Variants in SLC10A6 observed in about 807,000 individuals in gnomAD.
SLC10A6 encodes the protein solute carrier family 10 member 6.
SLC10A6 carries 27 observed loss-of-function variants against 30.0 expected under a neutral mutation model. The ratio of observed to expected loss-of-function variants is 0.90; its 90% CI spans 0.66 to 1.24. The LOEUF (loss-of-function observed/expected upper bound fraction) is 1.24, where lower values mean the gene tolerates loss of function less well. Among genes scored for constraint, SLC10A6 ranks in the 50% most tolerant of loss-of-function variants. SLC10A6 has a pLI of 0.00. For synonymous variants in SLC10A6, 166 were observed against 173.8 expected (o/e 0.95, Z 0.36); for missense variants, 439 against 457.0 (o/e 0.96, Z 0.36).
At chr4:86,835,252 C>G (rs1746160632) in intron 1 of SLC10A6, among the ~76,000 whole-genome samples, 2 of 152,184 alleles carry the variant, frequency 1.3e-5, no homozygotes. Flanking sequence ...GACCTGCAGA[C>G]AGAGCAAGTT....
rs1315879330 is a variant in SLC10A6, at chr4:86,848,839, T to C, written c.277A>G (p.Lys93Glu). Residue 93 changes from lysine (K) to glutamate (E), a missense_variant, in exon 1 of 6, where the codon AAG (lysine) becomes GAG (glutamate). Lys to Glu is a moderately conservative substitution (Grantham distance 56, BLOSUM62 1). Transcript: ENST00000273905. ...AYLLAISFSL[K>E]PVQAIAVLIM... ...AGAACAGCAATAGCTTGGACTGGCTTCAGAGAAAAGCTAATGGCCAGGAGA... is the reference window on the plus strand; with the variant it reads ...AGAACAGCAATAGCTTGGACTGGCTCCAGAGAAAAGCTAATGGCCAGGAGA... 4.3e-6 allele frequency: 7 copies of C among 1,614,154 alleles called. No individual in the cohort carries two copies. Among genetic ancestry groups the C allele is most frequent in the Non-Finnish European group, 5.9e-6 (7 of 1,180,022 alleles).
chr4:86,837,277 A>AGG (rs1560460327), intron 1 of SLC10A6, among the ~76,000 whole-genome samples: 1 of 96,740 alleles, frequency 1.0e-5, no homozygotes, highest in Non-Finnish European at 2.0e-5. Context: ...GAAAGAAAGA[A>AGG]AGAAAGAAAA....
In SLC10A6 at chr4:86,825,898, G is replaced by A. The variant is rs75051146; in HGVS notation, c.762-321C>T. 2.7e-4 allele frequency among the ~76,000 whole-genome samples: 41 copies of A among 152,340 alleles called. 1 individual carries two copies. In the East Asian group the frequency reaches 7.5e-3, roughly 28 times the overall value. ...ATTTAGAAAATGGCAGAAGGGGTGA[G>A]AGAAGGCTTCACAGAGGAGTGGGAT... On this transcript the variant is annotated intron_variant, in intron 4 of 5. Transcript: ENST00000273905.
intron 3 of SLC10A6, among the ~76,000 whole-genome samples, chr4:86,828,815 T>C (rs1416347534): frequency 6.6e-6 from 1 of 152,034 alleles, no homozygotes; most frequent in Non-Finnish European, 1.5e-5. Flanking sequence ...AATAACAAAA[T>C]TTTGAATAGT....
At chr4:86,838,386 G>A (rs1204098434) in intron 1 of SLC10A6, among the ~76,000 whole-genome samples, 2 of 152,128 alleles carry the variant, frequency 1.3e-5, no homozygotes, top group Non-Finnish European at 2.9e-5. Context: ...TAGGAGACCT[G>A]GCATAGTCTC....
At chr4:86,825,256 G>A (rs561107566) in intron 5 of SLC10A6, among the ~76,000 whole-genome samples, 164 bp downstream of exon 5, 3 of 152,248 alleles carry the variant, frequency 2.0e-5, no homozygotes, top group East Asian at 1.9e-4. Flanking sequence ...CCACTTGTGC[G>A]CCAAACTATC....
Position 86,848,849 on chromosome 4 carries a change from G to T in SLC10A6, c.267C>A (p.Ser89Arg). 7 of 1,614,184 alleles carry T rather than the reference G, an allele frequency of 4.3e-6. No individual in the cohort carries two copies. Among genetic ancestry groups the T allele is most frequent in the Non-Finnish European group, 5.1e-6 (6 of 1,180,032 alleles). ...MPFTAYLLAI[S>R]FSLKPVQAIA... is the part of the protein sequence containing the mutation. ...TAGCTTGGACTGGCTTCAGAGAAAA[G>T]CTAATGGCCAGGAGATAAGCTGTAA... Residue 89 changes from serine to arginine, a missense_variant, in exon 1 of 6, where the codon AGC becomes AGA. Transcript: ENST00000273905.
chr4:86,848,330 A>C (rs1413269647), intron 1 of SLC10A6, among the ~76,000 whole-genome samples: 1 of 152,160 alleles, frequency 6.6e-6, no homozygotes, highest in African/African-American at 2.4e-5. Context: ...CGGGAGTCTC[A>C]TTCTGACTAT....
intron 5 of SLC10A6, among the ~76,000 whole-genome samples, chr4:86,824,555 T>C (rs998509087): frequency 4.0e-5 from 6 of 151,258 alleles, no homozygotes; most frequent in African/African-American, 1.5e-4. Context: ...TTAAAATATA[T>C]ATGTGTATGT....
At position 86,823,720 on chromosome 4, in the gene SLC10A6, C is replaced by T. The variant is rs747294564; in HGVS notation, c.1102G>A (p.Glu368Lys). Residue 368 changes from glutamate to lysine, a missense_variant, in exon 6 of 6, where the codon GAG becomes AAG. Glu to Lys is a moderately conservative substitution (Grantham distance 56). Transcript: ENST00000273905. ...CATGAAGTGATGTGGCCAACTGGCT[C>T]GAGAGCCCTGTGGCAATCCATTGGC... ...PGPMDCHRAL[E>K]PVGHITSCE The T allele has an allele frequency of 4.5e-5, 73 of 1,612,852 alleles. 1 individual carries two copies. In the South Asian group the frequency reaches 6.9e-4, roughly 15 times the overall value.
At chr4:86,847,867 T>C (rs965303735) in intron 1 of SLC10A6, among the ~76,000 whole-genome samples, 2 of 152,220 alleles carry the variant, frequency 1.3e-5, no homozygotes, top group African/African-American at 2.4e-5. Context: ...TGAAACGGCA[T>C]GTTCACAAGT....
At chr4:86,848,604 GTC>G in intron 1 of SLC10A6, 133 bp downstream of exon 1, 1 of 1,186,458 alleles carries the variant, frequency 8.4e-7, no homozygotes, top group Non-Finnish European at 1.2e-6. Flanking sequence ...GGCTGAACAA[GTC>G]TCTGTGATAT....
At position 86,833,409 on chromosome 4, in the gene SLC10A6, G is replaced by C; in HGVS notation, c.393C>G (p.Thr131=). 6.2e-7 allele frequency: 1 copy of C among 1,613,594 alleles called. No homozygotes were observed. The highest frequency in any genetic ancestry group is 8.5e-7 in the Non-Finnish European group (1 of 1,179,560). Residue 131 remains threonine, a synonymous_variant, in exon 2 of 6, where the codon ACC becomes ACG. Coordinates refer to ENST00000273905, the MANE Select transcript of SLC10A6 (RefSeq NM_197965.3). The part of the protein sequence containing the change: ...GDMDLSISMT[T]CSTVAALGMM... ...TTCCCAGGGCGGCCACGGTGGAACA[G>C]GTTGTCATACTGATGCTGAAAGTAA... is the stretch of plus-strand genomic sequence containing the variant.
chr4:86,849,206 A>G lies in SLC10A6; in HGVS notation c.-91T>C. ...TGCCACATTTTGTAATAGTGCAACG[A>G]AGTCACACATGGAGAATCATTCCAA... On this transcript the variant is annotated 5_prime_UTR_variant, in exon 1 of 6. Coordinates refer to ENST00000273905, the MANE Select transcript of SLC10A6 (RefSeq NM_197965.3). The G allele has an allele frequency of 7.0e-7, 1 of 1,426,714 alleles. No individual in the cohort carries two copies. Among genetic ancestry groups the G allele is most frequent in the Non-Finnish European group, 9.5e-7 (1 of 1,055,134 alleles). The allele number at this position is 1,426,714 out of a possible 1,614,324, so 88.4% of individuals were successfully genotyped here. A position where few individuals can be genotyped will look rare whatever the true frequency, so the allele number is the denominator to read the frequency against.
At chr4:86,838,443 T>G (rs1046791445) in intron 1 of SLC10A6, among the ~76,000 whole-genome samples, 3 of 152,136 alleles carry the variant, frequency 2.0e-5, no homozygotes, top group Admixed American at 2.0e-4. Flanking sequence ...ACTGAATAAA[T>G]GTATGAATCA....
intron 1 of SLC10A6, among the ~76,000 whole-genome samples, chr4:86,840,597 A>AT (rs1056929351): frequency 6.6e-6 from 1 of 152,150 alleles, no homozygotes; most frequent in Non-Finnish European, 1.5e-5. Context: ...AGACTAATCC[A>AT]TTTTTTCTAT....
intron 3 of SLC10A6, among the ~76,000 whole-genome samples, chr4:86,830,754 C>G (rs2149411050): frequency 6.6e-6 from 1 of 152,258 alleles, no homozygotes; most frequent in East Asian, 1.9e-4. Context: ...AACCAGAAAA[C>G]AAAATTAACT....
intron 5 of SLC10A6, among the ~76,000 whole-genome samples, chr4:86,824,541 A>C (rs986415874): frequency 3.3e-5 from 5 of 152,050 alleles, no homozygotes; most frequent in Non-Finnish European, 7.4e-5. Context: ...ACCATGGCCC[A>C]AGATTAAAAT....
chr4:86,835,033 AG>A (rs1746156644), intron 1 of SLC10A6, among the ~76,000 whole-genome samples: 1 of 152,214 alleles, frequency 6.6e-6, no homozygotes, highest in Non-Finnish European at 1.5e-5. Flanking sequence ...GCCTCCCACC[AG>A]GCCCCACCTC....
Sources: gnomAD v4.1 joint callset for allele counts (sites outside exome capture counted in the v4.1 genomes callset) on GRCh38, gnomAD v4.1.1 for gene constraint, MANE v1.5 for transcripts, NCBI Gene and HGNC (gene_info 2026-07-23, HGNC 2026-07-21) for gene names.